Variants in GBF1 observed in about 807,000 individuals in gnomAD.
GBF1 encodes the protein golgi brefeldin A resistant guanine nucleotide exchange factor 1.
In GBF1, 114 loss-of-function variants were observed where a neutral mutation model predicts 210.5. The observed-to-expected ratio is 0.54, with a 90% CI of 0.47 to 0.63. The LOEUF is 0.63. GBF1 is among the 30% of genes least tolerant of loss of function. The pLI is 0.00. For synonymous variants in GBF1, 850 were observed against 889.2 expected, an observed-to-expected ratio of 0.96 and a Z score of 0.78; for missense variants, 1,851 against 2,357.7, an observed-to-expected ratio of 0.79 and a Z score of 4.45.
chr10:102,311,575 C>T lies in GBF1; in HGVS notation c.164-32476C>T, dbSNP rs146383508. On this transcript the variant is annotated intron_variant, in intron 3 of 39. Transcript: ENST00000369983. ...GGCCAGGGTGTCTGATGGGAACTTA[C>T]GAACCTTGGTTTGCTAAGGGTGATG... is the stretch of plus-strand genomic sequence containing the variant. 2.6e-5 allele frequency among the ~76,000 whole-genome samples: 4 copies of T among 152,308 alleles called. No individual in the cohort carries two copies. The South Asian group carries it at 6.2e-4, about 24-fold the overall frequency.
At chr10:102,368,498 T>A in intron 22 of GBF1, 44 bp downstream of exon 22, 2 of 1,066,634 alleles carry the variant, frequency 1.9e-6, no homozygotes, top group Non-Finnish European at 2.9e-6. Context: ...ACTAGCTCTG[T>A]GAGCTAACAT....
intron 3 of GBF1, among the ~76,000 whole-genome samples, chr10:102,280,316 G>A (rs1480923670): frequency 1.3e-5 from 2 of 152,126 alleles, no homozygotes; most frequent in Non-Finnish European, 2.9e-5. Context: ...CCTTTACCCA[G>A]TCCAGTGTGT....
intron 3 of GBF1, among the ~76,000 whole-genome samples, chr10:102,339,085 G>C (rs115896121): frequency 6.6e-6 from 1 of 152,062 alleles, no homozygotes; most frequent in East Asian, 1.9e-4. Context: ...AGTATAAGCC[G>C]GGCATGGTGG....
intron 10 of GBF1, chr10:102,359,052 A>G: frequency 1.7e-6 from 1 of 596,778 alleles, no homozygotes; most frequent in East Asian, 2.8e-5. Flanking sequence ...CTAAGGTTCT[A>G]GTCATTGTAG....
intron 12 of GBF1, 27 bp downstream of exon 12, chr10:102,360,422 A>G (rs757688279): frequency 6.7e-7 from 1 of 1,481,576 alleles, no homozygotes; most frequent in Non-Finnish European, 9.4e-7. Flanking sequence ...AGAGGGTCTC[A>G]GAGCCTCTTT....
At position 102,379,545 on chromosome 10, in the gene GBF1, C is replaced by G; in HGVS notation, c.4670C>G (p.Ala1557Gly). The G allele has an allele frequency of 6.2e-7, 1 of 1,614,118 alleles. No homozygotes were observed. ...LQGIACLCCD[A>G]RRQVRMQALT... is the part of the protein sequence containing the mutation. Reference sequence around the variant, plus strand: ...GGTATTGCCTGCCTGTGCTGCGATGCCCGGCGCCAGGTACGGATGCAGGCA... The same window carrying G: ...GGTATTGCCTGCCTGTGCTGCGATGGCCGGCGCCAGGTACGGATGCAGGCA... The change falls in exon 35 of 40, where the codon GCC (alanine) becomes GGC (glycine). Residue 1557 changes from alanine to glycine, a missense_variant. Ala to Gly is a moderately conservative substitution (Grantham distance 60). This residue lies in a region of GBF1 where 967 missense variants were observed against 1,247.7 expected (regional missense o/e 0.78). Transcript: ENST00000369983.
intron 3 of GBF1, among the ~76,000 whole-genome samples, chr10:102,322,645 G>C (rs1364359347): frequency 6.7e-6 from 1 of 149,100 alleles, no homozygotes; most frequent in South Asian, 2.1e-4. Context: ...ACTTTGGGAG[G>C]CCGAGGCAGG....
chr10:102,334,747 G>T (rs1354143689), intron 3 of GBF1, among the ~76,000 whole-genome samples: 2 of 152,080 alleles, frequency 1.3e-5, no homozygotes, highest in Non-Finnish European at 2.9e-5. Context: ...TACTCGGGAG[G>T]CTGTGGCAGG....
intron 3 of GBF1, among the ~76,000 whole-genome samples, chr10:102,260,631 C>T (rs2073084587): frequency 6.6e-6 from 1 of 151,792 alleles, no homozygotes; most frequent in African/African-American, 2.4e-5. Flanking sequence ...GCGCGTGCCA[C>T]CACACCTGCC....
intron 3 of GBF1, among the ~76,000 whole-genome samples, chr10:102,295,411 C>A (rs776532970): frequency 1.3e-5 from 2 of 152,138 alleles, no homozygotes; most frequent in Non-Finnish European, 2.9e-5. Context: ...AACAAACTAT[C>A]TTTAAAAGTT....
intron 1 of GBF1, among the ~76,000 whole-genome samples, chr10:102,248,034 G>A (rs932839860): frequency 6.6e-6 from 1 of 152,202 alleles, no homozygotes; most frequent in Non-Finnish European, 1.5e-5. Context: ...AGAAGACACA[G>A]CTCTTGCTTT....
At position 102,289,656 on chromosome 10, in the gene GBF1, C is replaced by T. The variant is rs1010402895; in HGVS notation, c.163+29540C>T. On this transcript the variant is annotated intron_variant, in intron 3 of 39. Transcript: ENST00000369983. ...TCATATTCCTGTTGTCATTTACTGGCGTAGTAGACAATTCATAACTGGGAA... is the reference window on the plus strand; with the variant it reads ...TCATATTCCTGTTGTCATTTACTGGTGTAGTAGACAATTCATAACTGGGAA... Among the ~76,000 whole-genome samples, 7 of 152,070 alleles carry T rather than the reference C, an allele frequency of 4.6e-5. 1 individual carries two copies. The highest frequency in any genetic ancestry group is 4.2e-4 in the South Asian group (2 of 4,816).
Position 102,253,044 on chromosome 10 carries a change from GCC to G in GBF1, c.-10-5884_-10-5883del, listed in dbSNP as rs2071797829. Among the ~76,000 whole-genome samples, 5 of 152,130 alleles carry G rather than the reference GCC, an allele frequency of 3.3e-5. 1 individual carries two copies. In the South Asian group the frequency reaches 1.0e-3, roughly 32 times the overall value. Reference sequence around the variant, plus strand: ...TGAGTAGCTGGGATTACAGGCCCCTGCCATCATGCCCAGCTAATTTTTGTATT... The same window carrying G: ...TGAGTAGCTGGGATTACAGGCCCCTGATCATGCCCAGCTAATTTTTGTATT... On this transcript the variant is annotated intron_variant, in intron 1 of 39. Transcript: ENST00000369983.
the GBF1 span, among the ~76,000 whole-genome samples, chr10:102,235,285 C>T: frequency 6.6e-5 from 10 of 151,398 alleles, no homozygotes; most frequent in Non-Finnish European, 1.3e-4. Flanking sequence ...GAGTGTTCTG[C>T]ACTGGATGCT....
chr10:102,297,082 A>T (rs551190885), intron 3 of GBF1, among the ~76,000 whole-genome samples: 9 of 151,880 alleles, frequency 5.9e-5, no homozygotes, highest in Admixed American at 1.3e-4. Context: ...TGTAGCATTT[A>T]AGCAAGTTAT....
intron 11 of GBF1, among the ~76,000 whole-genome samples, 161 bp downstream of exon 11, chr10:102,359,596 G>C (rs1481993014): frequency 2.0e-5 from 3 of 152,042 alleles, no homozygotes; most frequent in Admixed American, 2.0e-4. Flanking sequence ...TAGACTGTTG[G>C]CATGGAGGGA....
In GBF1 at chr10:102,345,269, G is replaced by A. The variant is rs1174468354; in HGVS notation, c.295+1087G>A. On this transcript the variant is annotated intron_variant, in intron 4 of 39. Transcript: ENST00000369983. The stretch of plus-strand genomic sequence containing the variant: ...TGTACTCTAACCTGAGCAACAGAGC[G>A]AGACTCTGTCTCAAAAAAAAAAAAA... Among the ~76,000 whole-genome samples the A allele has an allele frequency of 9.5e-4, 131 of 138,140 alleles. 1 individual carries two copies. The highest frequency in any genetic ancestry group is 3.3e-3 in the African/African-American group (122 of 37,012). 90.6% of individuals were successfully genotyped at this position (138,140 alleles called of 152,430 possible).
intron 3 of GBF1, among the ~76,000 whole-genome samples, chr10:102,293,762 A>ATTTTTTTTTTTTTTTT (rs1565071251): frequency 6.7e-5 from 3 of 44,572 alleles, no homozygotes; most frequent in African/African-American, 8.6e-5. Flanking sequence ...CAGCTGTAGT[A>ATTTTTTTTTTTTTTTT]TGTTTTGTGT....
At chr10:102,284,641 C>T (rs1450221802) in intron 3 of GBF1, among the ~76,000 whole-genome samples, 3 of 151,840 alleles carry the variant, frequency 2.0e-5, no homozygotes, top group East Asian at 3.9e-4. Context: ...GTGTGTATAC[C>T]ACAATTTGTT....
Sources: gnomAD v4.1 joint callset for allele counts (sites outside exome capture counted in the v4.1 genomes callset) on GRCh38, gnomAD v4.1.1 for gene constraint, gnomAD v4.1.1 regional missense constraint, MANE v1.5 for transcripts, NCBI Gene and HGNC (gene_info 2026-07-23, HGNC 2026-07-21) for gene names.